AMZ1: variants seen among roughly 807,000 people sequenced by gnomAD.
The protein encoded by AMZ1 is archaemetzincin-1.
A neutral mutation model predicts 29.9 loss-of-function variants in AMZ1; 39 were observed. The observed-to-expected ratio is 1.30, with a 90% CI of 1.01 to 1.70. The LOEUF is 1.70. Among genes scored for constraint, AMZ1 ranks in the 40% most tolerant of loss-of-function variants. AMZ1 has a pLI of 0.00. For missense variants in AMZ1, 1,041 were observed against 680.6 expected (o/e 1.53, Z -5.89); for synonymous variants, 458 against 304.0 (o/e 1.51, Z -5.27).
At chr7:2,721,767 C>A (rs1789432216), downstream of AMZ1, among the ~76,000 whole-genome samples, 1 of 151,442 alleles carries the variant, frequency 6.6e-6, no homozygotes, top group African/African-American at 2.4e-5. Context: ...AGGGGCCCCC[C>A]ACTTCTCAGC....
chr7:2,714,875 G>A lies in AMZ1; in HGVS notation c.*1997G>A, dbSNP rs1196151037. On this transcript the variant is annotated 3_prime_UTR_variant, in exon 7 of 7. Coordinates refer to ENST00000683327, the MANE Select transcript of AMZ1 (RefSeq NM_001384743.1). The stretch of plus-strand genomic sequence containing the variant: ...ACAGGGCAGCCAGAGCCAGACAGCA[G>A]GCTCCTGGTCCCAGTCCCGGAAAAT... The A allele has an allele frequency of 1.3e-5, 2 of 152,362 alleles. No homozygotes were observed. The highest frequency in any genetic ancestry group is 4.8e-5 in the African/African-American group (2 of 41,416). 9.4% of individuals were successfully genotyped at this position (152,362 alleles called of 1,614,324 possible).
downstream of AMZ1, among the ~76,000 whole-genome samples, chr7:2,720,403 A>T (rs575211314): frequency 2.0e-5 from 3 of 152,170 alleles, no homozygotes; most frequent in Non-Finnish European, 4.4e-5. Flanking sequence ...GGGGATCATT[A>T]TTTTTTTGAA....
Position 2,708,486 on chromosome 7 carries a change from GGGCCCA to G in AMZ1, c.473-98_473-93del, listed in dbSNP as rs1788504795. On this transcript the variant is annotated intron_variant, in intron 3 of 6. Transcript: ENST00000683327. ...CCCACACCTGACTTGGGAAGGGGCA[GGGCCCA>G]GGCAGAGGAAGAGGATGACGGGGTG... 1.6e-5 allele frequency: 25 copies of G among 1,537,502 alleles called. 1 individual carries two copies. The South Asian group carries it at 2.8e-4, about 17-fold the overall frequency.
chr7:2,709,532 A>C (rs938784583), intron 5 of AMZ1, 108 bp from the exon 6 acceptor site: 41 of 1,474,888 alleles, frequency 2.8e-5, no homozygotes, highest in Non-Finnish European at 3.5e-5. Flanking sequence ...CCTCCCGGCC[A>C]TCTGGCCTCA....
intron 4 of AMZ1, among the ~76,000 whole-genome samples, chr7:2,725,467 C>T (rs943349517): frequency 1.3e-5 from 2 of 152,196 alleles, no homozygotes; most frequent in Non-Finnish European, 1.5e-5. Flanking sequence ...TTCAATATGG[C>T]GCCCTGAACA....
chr7:2,752,146 A>C (rs368161375), intron 4 of AMZ1, among the ~76,000 whole-genome samples: 6 of 152,218 alleles, frequency 3.9e-5, no homozygotes, highest in East Asian at 3.8e-4. Flanking sequence ...TCAATAGAAG[A>C]CAGCCACTAT....
intron 6 of AMZ1, among the ~76,000 whole-genome samples, chr7:2,710,636 C>T (rs553154514): frequency 2.4e-4 from 37 of 152,328 alleles, no homozygotes; most frequent in African/African-American, 8.9e-4. Context: ...GAACTAGAGG[C>T]CGTGGCATTT....
chr7:2,730,620 T>C, intron 4 of AMZ1: 1 of 152,866 alleles, frequency 6.5e-6, no homozygotes, highest in Non-Finnish European at 1.5e-5. Flanking sequence ...CGTGCTCCCT[T>C]TGGGAGGTGG....
In AMZ1 at chr7:2,714,112, T is replaced by C. The variant is rs1788979022; in HGVS notation, c.*1234T>C. The C allele has an allele frequency of 6.6e-6, 1 of 152,236 alleles. No homozygotes were observed. The highest frequency in any genetic ancestry group is 2.4e-5 in the African/African-American group (1 of 41,414). The allele number at this position is 152,236 out of a possible 1,614,324, so 9.4% of individuals were successfully genotyped here. On this transcript the variant is annotated 3_prime_UTR_variant, in exon 7 of 7. Transcript: ENST00000683327. Reference sequence around the variant, plus strand: ...TTGTCACACGTACCCCCTCAGCCTGTGGTGGAGGGTCTCTGGGAGAGAGAC... The same window carrying C: ...TTGTCACACGTACCCCCTCAGCCTGCGGTGGAGGGTCTCTGGGAGAGAGAC...
chr7:2,749,710 T>C (rs1366327383), intron 4 of AMZ1, among the ~76,000 whole-genome samples: 1 of 151,484 alleles, frequency 6.6e-6, no homozygotes, highest in East Asian at 1.9e-4. Flanking sequence ...ACAAAAAACA[T>C]AGTGGAAAAC....
At chr7:2,724,483 C>G (rs1789545553), downstream of AMZ1, among the ~76,000 whole-genome samples, 1 of 152,222 alleles carries the variant, frequency 6.6e-6, no homozygotes, top group Non-Finnish European at 1.5e-5. Flanking sequence ...ACCAACAGGA[C>G]CAGGCAAGAG....
At chr7:2,721,551 C>T (rs1178300261), downstream of AMZ1, among the ~76,000 whole-genome samples, 5 of 152,054 alleles carry the variant, frequency 3.3e-5, no homozygotes, top group Admixed American at 2.0e-4. Flanking sequence ...CCTGTCTCTA[C>T]TAAAAATACA....
In AMZ1 at chr7:2,713,247, A is replaced by C. The variant is rs1324800149; in HGVS notation, c.*369A>C. 6.1e-6 allele frequency: 1 copy of C among 165,132 alleles called. No homozygotes were observed. The highest frequency in any genetic ancestry group is 1.3e-5 in the Non-Finnish European group (1 of 76,948). 10.2% of individuals were successfully genotyped at this position (165,132 alleles called of 1,614,324 possible). On this transcript the variant is annotated 3_prime_UTR_variant, in exon 7 of 7. Transcript: ENST00000683327. ...ACACAGAAAGACTGTCTCCAGAAAA[A>C]AAAAAGTTCTTTGGAGAAGCCACAG...
At chr7:2,683,542 A>G (rs1173041384), upstream of AMZ1, among the ~76,000 whole-genome samples, 2 of 151,976 alleles carry the variant, frequency 1.3e-5, no homozygotes, top group Admixed American at 1.3e-4. Flanking sequence ...GGTTCACACC[A>G]TTCTCCTGCC....
At chr7:2,738,584 C>A (rs1347328137) in intron 4 of AMZ1, among the ~76,000 whole-genome samples, 2 of 151,904 alleles carry the variant, frequency 1.3e-5, no homozygotes, top group African/African-American at 4.8e-5. Flanking sequence ...GAAAAGGAAA[C>A]GTGGATACAC....
At chr7:2,696,366 C>G (rs934687448) in intron 1 of AMZ1, among the ~76,000 whole-genome samples, 5 of 150,258 alleles carry the variant, frequency 3.3e-5, no homozygotes, top group Non-Finnish European at 5.9e-5. Flanking sequence ...ACGCCATTCT[C>G]CTGCCTCAGC....
chr7:2,763,187 C>A, upstream of AMZ1: 1 of 577,156 alleles, frequency 1.7e-6, no homozygotes, highest in Non-Finnish European at 2.3e-6. Flanking sequence ...TCACAAGACA[C>A]CCCAACACAC....
chr7:2,683,477 AC>A (rs1786959272), upstream of AMZ1, among the ~76,000 whole-genome samples: 1 of 151,818 alleles, frequency 6.6e-6, no homozygotes, highest in Non-Finnish European at 1.5e-5. Context: ...TGGCTCTGTC[AC>A]CCAGGCTGGA....
intron 1 of AMZ1, among the ~76,000 whole-genome samples, chr7:2,692,507 A>G (rs947446198): frequency 6.6e-6 from 1 of 152,124 alleles, no homozygotes; most frequent in East Asian, 1.9e-4. Context: ...GTGCCACTGC[A>G]CTCCAGCCTG....
Sources: allele counts gnomAD v4.1 joint callset (sites outside exome capture counted in the v4.1 genomes callset), GRCh38; gene constraint gnomAD v4.1.1; transcripts MANE v1.5; gene names NCBI Gene and HGNC (gene_info 2026-07-23, HGNC 2026-07-21).